SMARCAD1: variants seen among roughly 807,000 people sequenced by gnomAD.
The protein encoded by SMARCAD1 is SWI/SNF-related matrix-associated actin-dependent regulator of chromatin subfamily A containing DEAD/H box 1.
Under a neutral mutation model 127.1 loss-of-function variants are expected in SMARCAD1, and 25 were observed. The observed-to-expected ratio is 0.20, with a 90% CI of 0.14 to 0.27. The LOEUF (loss-of-function observed/expected upper bound fraction) is 0.27. Ranked by LOEUF, SMARCAD1 falls within the 10% of genes least tolerant of loss-of-function variation. The probability of loss-of-function intolerance (pLI) is 1.00; values close to 1 mark genes in which losing one functional copy is unlikely to be tolerated. For synonymous variants in SMARCAD1, 400 were observed against 396.9 expected (o/e 1.01, Z -0.09); for missense variants, 807 against 1,206.0 (o/e 0.67, Z 4.90).
chr4:94,275,135 C>T (rs181521451), intron 14 of SMARCAD1, among the ~76,000 whole-genome samples, 170 bp downstream of exon 14: 2 of 152,206 alleles, frequency 1.3e-5, no homozygotes, highest in East Asian at 3.9e-4. Flanking sequence ...GTGTAATACC[C>T]ATATAGGAGG....
intron 5 of SMARCAD1, among the ~76,000 whole-genome samples, chr4:94,239,615 T>C (rs1747276570): frequency 6.6e-6 from 1 of 150,884 alleles, no homozygotes. Flanking sequence ...CTCTGTCACC[T>C]AGGCTGGAGT....
intron 9 of SMARCAD1, among the ~76,000 whole-genome samples, chr4:94,259,720 C>T (rs541027632): frequency 6.6e-6 from 1 of 152,090 alleles, no homozygotes; most frequent in South Asian, 2.1e-4. Flanking sequence ...TAATGAACCC[C>T]CATGTGTTTC....
At chr4:94,249,815 G>T (rs1749005592) in intron 7 of SMARCAD1, 60 bp downstream of exon 7, 6 of 957,394 alleles carry the variant, frequency 6.3e-6, no homozygotes, top group Non-Finnish European at 1.0e-5. Flanking sequence ...TTATAAAATA[G>T]TGTTAAGAGT....
chr4:94,264,715 G>A lies in SMARCAD1; in HGVS notation c.1290G>A (p.Lys430=). ...PFNSWEALFT[K]MSKTNGLSED... ...TTCTTTTTATGCTATAGTTCACAAA[G>A]ATGTCCAAAACTAATGGCTTATCAG... The change falls in exon 10 of 24, where the codon AAG becomes AAA. Residue 430 remains lysine (K), a synonymous_variant. Transcript: ENST00000354268. The A allele has an allele frequency of 1.2e-6, 2 of 1,611,260 alleles. No individual in the cohort carries two copies. Among genetic ancestry groups the A allele is most frequent in the Non-Finnish European group, 1.7e-6 (2 of 1,178,492 alleles).
intron 9 of SMARCAD1, among the ~76,000 whole-genome samples, chr4:94,253,886 T>C (rs1358242955): frequency 1.3e-5 from 2 of 152,290 alleles, no homozygotes; most frequent in South Asian, 2.1e-4. Context: ...ATATGGATGA[T>C]TTTTTACAGC....
intron 6 of SMARCAD1, chr4:94,248,509 G>A: frequency 2.2e-6 from 1 of 456,176 alleles, no homozygotes. Context: ...GTGGCAGTAT[G>A]AATTTTGAAG....
intron 6 of SMARCAD1, among the ~76,000 whole-genome samples, chr4:94,247,026 C>T (rs1748535489): frequency 1.3e-5 from 2 of 152,298 alleles, no homozygotes; most frequent in Middle Eastern, 3.4e-3. Context: ...CAAGACTCAT[C>T]TACTTTTTGT....
chr4:94,208,325 C>T (rs1321015007), intron 1 of SMARCAD1, 21 bp from the exon 2 acceptor site: 1 of 1,517,168 alleles, frequency 6.6e-7, no homozygotes, highest in Non-Finnish European at 9.1e-7. Flanking sequence ...CTTTTTTCCT[C>T]TCTTTATTTT....
In SMARCAD1 at chr4:94,208,429, AGAAAAG is replaced by A; in HGVS notation, c.39_44del (p.Lys13_Arg14del). ...TTCAACCTGGACCGTTTTCGCTTTG[AGAAAAG>A]GAATAAGATTGAGGAAGCGCCCGAA... On this transcript the variant is annotated inframe_deletion, in exon 2 of 24. Coordinates refer to ENST00000354268, the MANE Select transcript of SMARCAD1 (RefSeq NM_020159.5). The A allele has an allele frequency of 6.2e-7, 1 of 1,613,964 alleles. No individual in the cohort carries two copies. Among genetic ancestry groups the A allele is most frequent in the African/African-American group, 1.3e-5 (1 of 74,940 alleles).
chr4:94,266,441 G>T (rs922904712), intron 10 of SMARCAD1, among the ~76,000 whole-genome samples: 1 of 151,934 alleles, frequency 6.6e-6, no homozygotes, highest in Non-Finnish European at 1.5e-5. Flanking sequence ...TGTTGTTGTT[G>T]TTTTTTTAAG....
intron 9 of SMARCAD1, among the ~76,000 whole-genome samples, chr4:94,262,121 T>C (rs891037303): frequency 2.6e-5 from 4 of 152,200 alleles, no homozygotes; most frequent in African/African-American, 9.6e-5. Context: ...TCTTTGACTT[T>C]GATGGTCACC....
chr4:94,246,766 C>CT (rs1366336088), intron 6 of SMARCAD1, among the ~76,000 whole-genome samples: 1 of 152,160 alleles, frequency 6.6e-6, no homozygotes, highest in Non-Finnish European at 1.5e-5. Context: ...GCAAAACCAT[C>CT]TAAGTCCATG....
In SMARCAD1 at chr4:94,289,035, G is replaced by A. The variant is rs376793612; in HGVS notation, c.3020-438G>A. 2.0e-4 allele frequency among the ~76,000 whole-genome samples: 31 copies of A among 152,286 alleles called. 1 individual carries two copies. In the East Asian group the frequency reaches 6.0e-3, roughly 29 times the overall value. On this transcript the variant is annotated intron_variant, in intron 23 of 23. Transcript: ENST00000354268. The stretch of plus-strand genomic sequence containing the variant: ...AGAATGTTGTTTATATGTATACAGT[G>A]TGGGTCTGAGTCAGTGATTATATCT...
At chr4:94,213,011 T>C (rs1024222446) in intron 2 of SMARCAD1, 2 of 1,163,830 alleles carry the variant, frequency 1.7e-6, no homozygotes, top group Non-Finnish European at 2.3e-6. Flanking sequence ...TTCTCCTTTT[T>C]TTCTTTGACT....
In SMARCAD1 at chr4:94,283,963, A is replaced by G. The variant is rs1403745551; in HGVS notation, c.2909+660A>G. Among the ~76,000 whole-genome samples the G allele has an allele frequency of 2.6e-5, 4 of 152,116 alleles. 1 individual carries two copies. The highest frequency in any genetic ancestry group is 9.7e-5 in the African/African-American group (4 of 41,442). On this transcript the variant is annotated intron_variant, in intron 22 of 23. Coordinates refer to ENST00000354268, the MANE Select transcript of SMARCAD1 (RefSeq NM_020159.5). ...TGGGCTGTCCTGTTACCCTTTAGGA[A>G]GTAAATTGAGTTGTAAATTATTTTA...
chr4:94,270,870 ATTC>A (rs1560557622), intron 11 of SMARCAD1, 52 bp downstream of exon 11: 15 of 1,529,628 alleles, frequency 9.8e-6, no homozygotes, highest in Non-Finnish European at 1.4e-5. Flanking sequence ...ATTAAAAGGT[ATTC>A]TTGCTGTCAT....
chr4:94,218,849 TC>T (rs1228672048), intron 2 of SMARCAD1, among the ~76,000 whole-genome samples: 1 of 152,124 alleles, frequency 6.6e-6, no homozygotes, highest in African/African-American at 2.4e-5. Flanking sequence ...TCTCACTCTG[TC>T]ACCCAGGCTG....
At chr4:94,221,663 G>T (rs780152619) in intron 2 of SMARCAD1, among the ~76,000 whole-genome samples, 1 of 152,152 alleles carries the variant, frequency 6.6e-6, no homozygotes, top group Non-Finnish European at 1.5e-5. Context: ...AATTACTTGT[G>T]GCTTGGATAT....
intron 13 of SMARCAD1, 32 bp from the exon 14 acceptor site, chr4:94,274,858 A>G (rs1753041486): frequency 6.2e-7 from 1 of 1,603,012 alleles, no homozygotes; most frequent in Non-Finnish European, 8.5e-7. Context: ...AGCACAATAA[A>G]TAGTCATGTG....
Sources: allele counts gnomAD v4.1 joint callset (sites outside exome capture counted in the v4.1 genomes callset), GRCh38; gene constraint gnomAD v4.1.1; transcripts MANE v1.5; gene names NCBI Gene and HGNC (gene_info 2026-07-23, HGNC 2026-07-21).